CEMIP: variants seen among roughly 807,000 people sequenced by gnomAD.
The protein encoded by CEMIP is cell migration inducing hyaluronidase 1.
A neutral mutation model predicts 156.9 loss-of-function variants in CEMIP; 105 were observed. That is an observed-to-expected ratio of 0.67 (90% CI 0.57 to 0.79). The LOEUF is 0.79. CEMIP is among the 30% of genes least tolerant of loss of function. The pLI, the probability that CEMIP is intolerant of heterozygous loss-of-function variation, is 0.00. For synonymous variants in CEMIP, 676 were observed against 668.4 expected (o/e 1.01, Z -0.17); for missense variants, 1,457 against 1,769.4 (o/e 0.82, Z 3.17).
At chr15:80,779,701 C>G (rs1895739733) in intron 1 of CEMIP, 87 bp downstream of exon 1, 1 of 152,458 alleles carries the variant, frequency 6.6e-6, no homozygotes. Context: ...CGCGCCTCCA[C>G]CCGGCACAGG....
At chr15:80,859,721 G>T (rs1897938567) in intron 1 of CEMIP, among the ~76,000 whole-genome samples, 1 of 152,244 alleles carries the variant, frequency 6.6e-6, no homozygotes, top group African/African-American at 2.4e-5. Context: ...AAGAACTGGA[G>T]AATTGCTTGG....
intron 1 of CEMIP, among the ~76,000 whole-genome samples, chr15:80,832,749 C>T (rs1253430367): frequency 6.6e-6 from 1 of 152,174 alleles, no homozygotes; most frequent in East Asian, 1.9e-4. Flanking sequence ...TCTCTTAAGG[C>T]TTAACTTTCT....
At chr15:80,871,339 G>T (rs1052781773) in intron 1 of CEMIP, among the ~76,000 whole-genome samples, 1 of 152,154 alleles carries the variant, frequency 6.6e-6, no homozygotes, top group Non-Finnish European at 1.5e-5. Flanking sequence ...CATAGCAGAA[G>T]GTCTCACAAA....
chr15:80,900,652 G>GTATTTTT (rs1899479989), intron 12 of CEMIP, among the ~76,000 whole-genome samples: 1 of 141,564 alleles, frequency 7.1e-6, no homozygotes, highest in African/African-American at 2.7e-5. Flanking sequence ...GTGTGTGTCT[G>GTATTTTT]TGTGTGTGTC....
intron 1 of CEMIP, among the ~76,000 whole-genome samples, chr15:80,858,734 A>C (rs1265638527): frequency 6.6e-6 from 1 of 152,186 alleles, no homozygotes; most frequent in African/African-American, 2.4e-5. Flanking sequence ...TCAAAAAAAA[A>C]AGAAAAAAAG....
intron 11 of CEMIP, among the ~76,000 whole-genome samples, chr15:80,895,382 G>A (rs1394851744): frequency 1.3e-5 from 2 of 152,166 alleles, no homozygotes; most frequent in Non-Finnish European, 2.9e-5. Context: ...CTCCCCTGCA[G>A]AGATGTGCAG....
At chr15:80,931,733 C>T in intron 21 of CEMIP, 126 bp from the exon 22 acceptor site, 1 of 871,044 alleles carries the variant, frequency 1.1e-6, no homozygotes, top group Admixed American at 1.8e-5. Flanking sequence ...TGGTTTTACC[C>T]AGGAAGTCTC....
intron 1 of CEMIP, among the ~76,000 whole-genome samples, chr15:80,845,077 C>G (rs1897520917): frequency 6.6e-6 from 1 of 152,086 alleles, no homozygotes; most frequent in East Asian, 1.9e-4. Flanking sequence ...ATAGATAAAG[C>G]TAAATTGTTC....
Position 80,830,829 on chromosome 15 carries a change from G to A in CEMIP, c.-175-42709G>A, listed in dbSNP as rs114557885. On this transcript the variant is annotated intron_variant, in intron 1 of 29. Coordinates refer to ENST00000394685, the MANE Select transcript of CEMIP (RefSeq NM_001293298.2). Reference sequence around the variant, plus strand: ...GGTTCAAGCTGTGGTTCTGCTACCTGCTTGTTGTATGACTAGGCACATCTG... The same window carrying A: ...GGTTCAAGCTGTGGTTCTGCTACCTACTTGTTGTATGACTAGGCACATCTG... Among the ~76,000 whole-genome samples the A allele has an allele frequency of 7.6e-3, 1,150 of 152,192 alleles. 16 individuals carry two copies. The highest frequency in any genetic ancestry group is 0.026 in the African/African-American group (1,070 of 41,532).
At chr15:80,922,824 A>C (rs780661727) in intron 17 of CEMIP, among the ~76,000 whole-genome samples, 1 of 152,180 alleles carries the variant, frequency 6.6e-6, no homozygotes, top group Non-Finnish European at 1.5e-5. Flanking sequence ...GACCAGAGTC[A>C]TGGGGCATGG....
At chr15:80,820,665 C>T (rs750446042) in intron 1 of CEMIP, among the ~76,000 whole-genome samples, 1 of 152,170 alleles carries the variant, frequency 6.6e-6, no homozygotes, top group African/African-American at 2.4e-5. Context: ...AGGGCACAGG[C>T]CATAGAAGCT....
chr15:80,870,534 G>A (rs1898255248), intron 1 of CEMIP, among the ~76,000 whole-genome samples: 1 of 152,166 alleles, frequency 6.6e-6, no homozygotes, highest in Admixed American at 6.5e-5. Context: ...TTGCTCTGCA[G>A]GTGACAAGCC....
intron 1 of CEMIP, among the ~76,000 whole-genome samples, chr15:80,870,835 T>C (rs780784916): frequency 1.4e-4 from 22 of 152,194 alleles, no homozygotes; most frequent in Non-Finnish European, 2.9e-5. Context: ...CTACATTTTC[T>C]TCTGCACAGG....
chr15:80,878,627 C>A, intron 3 of CEMIP, 94 bp from the exon 4 acceptor site: 1 of 1,550,658 alleles, frequency 6.4e-7, no homozygotes, highest in Non-Finnish European at 8.8e-7. Context: ...AGGTAGGGGC[C>A]TTAAAGATGC....
chr15:80,909,360 A>C, intron 14 of CEMIP, 54 bp downstream of exon 14: 1 of 1,557,652 alleles, frequency 6.4e-7, no homozygotes, highest in Non-Finnish European at 8.9e-7. Flanking sequence ...GATGGTTAGC[A>C]CTGGAGGGGT....
At chr15:80,918,848 G>A (rs560497714) in intron 14 of CEMIP, among the ~76,000 whole-genome samples, 2 of 152,050 alleles carry the variant, frequency 1.3e-5, no homozygotes, top group East Asian at 3.9e-4. Flanking sequence ...GGGGGGTGGG[G>A]CCCAGGCTAC....
At position 80,943,042 on chromosome 15, in the gene CEMIP, A is replaced by G; in HGVS notation, c.3797A>G (p.Asn1266Ser). Residue 1266 changes from asparagine (N) to serine (S), a missense_variant, in exon 28 of 30, where the codon AAC becomes AGC. Physicochemically the swap from Asn to Ser is conservative, Grantham distance 46. This residue lies in a region of CEMIP where 798 missense variants were observed against 980.1 expected (regional missense o/e 0.81). Transcript: ENST00000394685. ...GRVVSHTSFR[N>S]SILQGIPWQL... The stretch of plus-strand genomic sequence containing the variant: ...GTGGTGAGCCACACGAGCTTCAGGA[A>G]CTCCATTCTGCAAGGCATACCATGG... 2 of 1,614,124 alleles carry G rather than the reference A, an allele frequency of 1.2e-6. No homozygotes were observed. The highest frequency in any genetic ancestry group is 1.7e-6 in the Non-Finnish European group (2 of 1,180,012).
At chr15:80,820,299 A>G (rs1896880480) in intron 1 of CEMIP, among the ~76,000 whole-genome samples, 1 of 152,180 alleles carries the variant, frequency 6.6e-6, no homozygotes, top group South Asian at 2.1e-4. Flanking sequence ...CGTGAGTCAC[A>G]TGTCTTCCCA....
At chr15:80,896,228 T>A in intron 12 of CEMIP, 168 bp downstream of exon 12, 1 of 754,556 alleles carries the variant, frequency 1.3e-6, no homozygotes. Context: ...CTTACTCATG[T>A]ATCTGCAGGT....
Sources: gnomAD v4.1 joint callset for allele counts (sites outside exome capture counted in the v4.1 genomes callset) on GRCh38, gnomAD v4.1.1 for gene constraint, gnomAD v4.1.1 regional missense constraint, MANE v1.5 for transcripts, NCBI Gene and HGNC (gene_info 2026-07-23, HGNC 2026-07-21) for gene names.